PCDH15: variants seen among roughly 807,000 people sequenced by gnomAD.
The protein encoded by PCDH15 is protocadherin related 15.
A neutral mutation model predicts 178.5 loss-of-function variants in PCDH15; 129 were observed. The observed-to-expected ratio is 0.72, with a 90% CI of 0.63 to 0.84. The LOEUF is 0.84. Ranked by LOEUF, PCDH15 falls within the 40% of genes least tolerant of loss-of-function variation. The pLI is 0.00. For synonymous variants in PCDH15, 800 were observed against 732.0 expected, an observed-to-expected ratio of 1.09 and a Z score of -1.50; for missense variants, 2,230 against 2,099.9, an observed-to-expected ratio of 1.06 and a Z score of -1.21.
At chr10:55,344,919 G>A (rs907432881) in intron 2 of PCDH15, among the ~76,000 whole-genome samples, 42 of 152,052 alleles carry the variant, frequency 2.8e-4, no homozygotes, top group Admixed American at 2.0e-4. Context: ...TTAGAAAGCA[G>A]TAAGTAACAT....
intron 2 of PCDH15, among the ~76,000 whole-genome samples, chr10:55,616,032 T>C (rs1843466120): frequency 6.6e-6 from 1 of 152,202 alleles, no homozygotes; most frequent in Non-Finnish European, 1.5e-5. Context: ...CCACTGACAA[T>C]TGAAATCTGG....
intron 2 of PCDH15, among the ~76,000 whole-genome samples, chr10:55,522,859 G>C (rs1841214909): frequency 6.6e-6 from 1 of 151,452 alleles, no homozygotes; most frequent in Non-Finnish European, 1.5e-5. Context: ...ATTGTTTTTT[G>C]ACTGATTTGT....
intron 2 of PCDH15, among the ~76,000 whole-genome samples, chr10:54,552,974 A>C (rs1212639957): frequency 6.6e-6 from 1 of 152,152 alleles, no homozygotes; most frequent in African/African-American, 2.4e-5. Context: ...TTTCTTCACT[A>C]TACCTACCAA....
intron 3 of PCDH15, among the ~76,000 whole-genome samples, chr10:54,483,919 G>A (rs537246494): frequency 6.6e-6 from 1 of 151,970 alleles, no homozygotes; most frequent in African/African-American, 2.4e-5. Context: ...TTAGTAATTA[G>A]CAGAGCCTGT....
At chr10:55,136,638 T>TA (rs1838205145) in intron 2 of PCDH15, among the ~76,000 whole-genome samples, 1 of 152,120 alleles carries the variant, frequency 6.6e-6, no homozygotes, top group East Asian at 1.9e-4. Flanking sequence ...CATTCAGGCT[T>TA]AAAGTTTCAA....
chr10:54,204,157 T>C (rs1158055694), intron 10 of PCDH15, among the ~76,000 whole-genome samples: 1 of 152,132 alleles, frequency 6.6e-6, no homozygotes, highest in Non-Finnish European at 1.5e-5. Flanking sequence ...TATTTTGAAA[T>C]CAAAATGTTA....
chr10:53,808,868 C>G lies in PCDH15; in HGVS notation c.4671+1688G>C, dbSNP rs774200003. On this transcript the variant is annotated intron_variant, in intron 37 of 37. Transcript: ENST00000644397. ...TCCTCACTTTCCACACCTCCTTCCACCGAAGCTGATTCTGCACTGCCCTCT... is the reference window on the plus strand; with the variant it reads ...TCCTCACTTTCCACACCTCCTTCCAGCGAAGCTGATTCTGCACTGCCCTCT... The G allele has an allele frequency of 3.1e-6, 5 of 1,605,530 alleles. No homozygotes were observed. In the African/African-American group the frequency reaches 6.7e-5, roughly 21 times the overall value.
At chr10:54,514,336 C>A (rs1589813746) in intron 3 of PCDH15, among the ~76,000 whole-genome samples, 1 of 151,442 alleles carries the variant, frequency 6.6e-6, no homozygotes, top group Non-Finnish European at 1.5e-5. Context: ...TTTTACTTGC[C>A]AACAATAATA....
intron 2 of PCDH15, among the ~76,000 whole-genome samples, chr10:55,057,034 T>C (rs973730391): frequency 6.6e-6 from 1 of 152,118 alleles, no homozygotes; most frequent in Non-Finnish European, 1.5e-5. Flanking sequence ...TTAGTAAGTT[T>C]CCATTAATAT....
Position 55,334,242 on chromosome 10 carries a change from ATGTGTGTGTG to A in PCDH15, c.-155-167601_-155-167592del, listed in dbSNP as rs1208145029. Reference sequence around the variant, plus strand: ...GCTCCATATATATATATATATATATATGTGTGTGTGTGTGTGTGTGTGTGTGTGTGTGTGT... The same window carrying A: ...GCTCCATATATATATATATATATATATGTGTGTGTGTGTGTGTGTGTGTGT... On this transcript the variant is annotated intron_variant, in intron 2 of 5. Transcript: ENST00000613346. 2.6e-3 allele frequency among the ~76,000 whole-genome samples: 191 copies of A among 72,136 alleles called. 3 individuals are homozygous for A. Among genetic ancestry groups the A allele is most frequent in the Admixed American group, 0.018 (115 of 6,352 alleles). The allele number at this position is 72,136 out of a possible 152,430, so 47.3% of individuals were successfully genotyped here. A position where few individuals can be genotyped will look rare whatever the true frequency, so the allele number is the denominator to read the frequency against.
intron 21 of PCDH15, among the ~76,000 whole-genome samples, chr10:53,974,494 A>G (rs1056899039): frequency 9.2e-5 from 14 of 152,150 alleles, no homozygotes; most frequent in African/African-American, 3.4e-4. Context: ...AAAATTTTAT[A>G]AACTACTAAC....
At chr10:54,612,533 A>G (rs1455594334) in intron 2 of PCDH15, among the ~76,000 whole-genome samples, 5 of 151,776 alleles carry the variant, frequency 3.3e-5, no homozygotes, top group African/African-American at 1.2e-4. Context: ...TTACTTAGAG[A>G]TATAACCAGC....
At chr10:54,627,866 CA>C (rs1316831329) in intron 2 of PCDH15, among the ~76,000 whole-genome samples, 2 of 152,138 alleles carry the variant, frequency 1.3e-5, no homozygotes, top group African/African-American at 4.8e-5. Flanking sequence ...GGTTAAGTCC[CA>C]GTCAATAAAA....
At chr10:53,892,020 G>GTTTTTTTT (rs869122093) in intron 26 of PCDH15, among the ~76,000 whole-genome samples, 1 of 91,862 alleles carries the variant, frequency 1.1e-5, no homozygotes, top group African/African-American at 4.3e-5. Flanking sequence ...TTACATCTAT[G>GTTTTTTTT]TTTTTTTTTT....
At chr10:55,600,501 G>T (rs540504686) in intron 2 of PCDH15, among the ~76,000 whole-genome samples, 4 of 152,120 alleles carry the variant, frequency 2.6e-5, no homozygotes, top group Non-Finnish European at 5.9e-5. Flanking sequence ...GTGACCCTAG[G>T]GTTAAGAGTG....
chr10:55,022,384 G>A (rs1024762665), intron 2 of PCDH15, among the ~76,000 whole-genome samples: 3 of 150,494 alleles, frequency 2.0e-5, no homozygotes, highest in African/African-American at 7.3e-5. Context: ...TCCGGGAGCC[G>A]GAGGTTACTG....
intron 15 of PCDH15, among the ~76,000 whole-genome samples, chr10:54,093,550 A>T (rs12243487): frequency 2.6e-5 from 4 of 152,120 alleles, no homozygotes; most frequent in African/African-American, 9.7e-5. Context: ...TTACCCTTCA[A>T]GTATTAGGAT....
chr10:54,536,645 C>T (rs1443601638), intron 2 of PCDH15, among the ~76,000 whole-genome samples: 1 of 152,058 alleles, frequency 6.6e-6, no homozygotes, highest in Non-Finnish European at 1.5e-5. Context: ...GTCCCTCTTC[C>T]ACCCTCTCCC....
Position 55,365,119 on chromosome 10 carries a change from G to T in PCDH15, c.-155-198468C>A, listed in dbSNP as rs115730873. ...TTTCTTCTCAGGTTTGACATCTGTT[G>T]ATTTTCTTTTTCCTTGAAAATGTGT... On this transcript the variant is annotated intron_variant, in intron 2 of 5. Transcript: ENST00000613346. Among the ~76,000 whole-genome samples, 792 of 152,066 alleles carry T rather than the reference G, an allele frequency of 5.2e-3. 11 individuals are homozygous for T. Among genetic ancestry groups the T allele is most frequent in the African/African-American group, 0.018 (746 of 41,502 alleles).
Sources: allele counts gnomAD v4.1 joint callset (sites outside exome capture counted in the v4.1 genomes callset), GRCh38; gene constraint gnomAD v4.1.1; transcripts MANE v1.5; gene names NCBI Gene and HGNC (gene_info 2026-07-23, HGNC 2026-07-21).